The following ASTN2 variants were observed in gnomAD, a reference collection of about 807,000 sequenced individuals.
ASTN2 encodes astrotactin-2.
In ASTN2, 54 loss-of-function variants were observed where a neutral mutation model predicts 139.8. That is an observed-to-expected ratio of 0.39 (90% CI 0.31 to 0.48). The LOEUF (loss-of-function observed/expected upper bound fraction) is 0.48, where lower values mean the gene tolerates loss of function less well. Among genes scored for constraint, ASTN2 ranks in the 20% least tolerant of loss-of-function variants. The pLI, the probability that ASTN2 is intolerant of heterozygous loss-of-function variation, is 0.95. For synonymous variants in ASTN2, 756 were observed against 719.5 expected (o/e 1.05, Z -0.81); for missense variants, 1,565 against 1,725.1 (o/e 0.91, Z 1.64).
At chr9:117,246,328 G>A (rs1289465068) in intron 2 of ASTN2, among the ~76,000 whole-genome samples, 1 of 152,106 alleles carries the variant, frequency 6.6e-6, no homozygotes, top group African/African-American at 2.4e-5. Context: ...TTAAGACATA[G>A]TGTTTTCATT....
At chr9:116,648,467 C>G (rs1418204468) in intron 17 of ASTN2, among the ~76,000 whole-genome samples, 1 of 152,072 alleles carries the variant, frequency 6.6e-6, no homozygotes, top group East Asian at 1.9e-4. Context: ...GCAATAGCCT[C>G]CTCATGGATC....
At chr9:116,808,754 G>A (rs1457496467) in intron 12 of ASTN2, among the ~76,000 whole-genome samples, 1 of 152,154 alleles carries the variant, frequency 6.6e-6, no homozygotes, top group African/African-American at 2.4e-5. Flanking sequence ...ATAGTTGCCT[G>A]TAGAATCTCT....
chr9:116,701,866 C>A (rs1211516813), intron 16 of ASTN2, among the ~76,000 whole-genome samples: 1 of 146,026 alleles, frequency 6.8e-6, no homozygotes, highest in African/African-American at 2.5e-5. Context: ...TGTTCAATTA[C>A]AGCAGTTTTT....
intron 19 of ASTN2, among the ~76,000 whole-genome samples, chr9:116,501,795 A>G (rs907915665): frequency 6.6e-6 from 1 of 151,958 alleles, no homozygotes; most frequent in Non-Finnish European, 1.5e-5. Flanking sequence ...CGTCACATGT[A>G]TCCATATGTA....
intron 19 of ASTN2, among the ~76,000 whole-genome samples, chr9:116,502,841 G>T (rs1849935259): frequency 6.8e-6 from 1 of 146,234 alleles, no homozygotes; most frequent in Non-Finnish European, 1.5e-5. Context: ...GGGAGGGAGA[G>T]AGGGAAGGAA....
intron 11 of ASTN2, among the ~76,000 whole-genome samples, chr9:116,859,959 C>G (rs544156048): frequency 6.6e-6 from 1 of 152,186 alleles, no homozygotes; most frequent in Non-Finnish European, 1.5e-5. Flanking sequence ...AACTAGCTGA[C>G]GCACAGAGCC....
At chr9:117,052,073 G>A (rs139244232) in intron 5 of ASTN2, among the ~76,000 whole-genome samples, 4 of 152,102 alleles carry the variant, frequency 2.6e-5, no homozygotes, top group African/African-American at 9.7e-5. Flanking sequence ...GTCATGCTTT[G>A]GTTGACCTTC....
chr9:116,998,809 A>G (rs1837098192), intron 7 of ASTN2, among the ~76,000 whole-genome samples: 1 of 152,192 alleles, frequency 6.6e-6, no homozygotes, highest in Non-Finnish European at 1.5e-5. Context: ...TTCAATATAT[A>G]TGCTCTACCA....
intron 10 of ASTN2, among the ~76,000 whole-genome samples, chr9:116,917,531 G>C (rs1203174042): frequency 6.6e-6 from 1 of 152,186 alleles, no homozygotes; most frequent in East Asian, 1.9e-4. Flanking sequence ...TTCTGAACTT[G>C]TGTCTTAAAG....
chr9:117,192,848 TG>T (rs1454925278), intron 3 of ASTN2, among the ~76,000 whole-genome samples: 2 of 152,234 alleles, frequency 1.3e-5, no homozygotes, highest in Admixed American at 1.3e-4. Context: ...GTCTCAGAGC[TG>T]GAACAAGGTT....
At chr9:117,232,009 G>T (rs1832907480) in intron 2 of ASTN2, among the ~76,000 whole-genome samples, 1 of 152,152 alleles carries the variant, frequency 6.6e-6, no homozygotes, top group South Asian at 2.1e-4. Flanking sequence ...GGGATTAGAA[G>T]ATCTGTGGAG....
intron 1 of ASTN2, among the ~76,000 whole-genome samples, chr9:117,308,285 C>T (rs901028844): frequency 6.6e-6 from 1 of 152,140 alleles, no homozygotes; most frequent in African/African-American, 2.4e-5. Context: ...CATTAATACT[C>T]CTTCACTTTC....
intron 19 of ASTN2, among the ~76,000 whole-genome samples, chr9:116,505,534 T>C (rs1265719609): frequency 6.6e-6 from 1 of 152,210 alleles, no homozygotes; most frequent in East Asian, 1.9e-4. Flanking sequence ...CATCCTCTTG[T>C]GTAAGACAGG....
rs373631856 is a variant in ASTN2 at position 116,620,404 on chromosome 9, C to T, written c.3112G>A (p.Gly1038Arg). 1 of 1,614,056 alleles carries T rather than the reference C, an allele frequency of 6.2e-7. No individual in the cohort carries two copies. The highest frequency in any genetic ancestry group is 8.5e-7 in the Non-Finnish European group (1 of 1,180,026). ...SALMSSYWCSGKGDVIDDWCR... is the reference protein window; with the variant it reads ...SALMSSYWCSRKGDVIDDWCR... ...CAGTCATCGATCACATCCCCTTTCC[C>T]TGAGCACCAGTAGGAACTCATCAGT... The change falls in exon 18 of 23, where the codon GGG (glycine) becomes AGG (arginine). Residue 1038 changes from glycine (G) to arginine (R), a missense_variant. By Grantham distance (125) the Gly-to-Arg change is moderately radical (BLOSUM62 -2). This residue lies in a region of ASTN2 where 418 missense variants were observed against 465.8 expected (regional missense o/e 0.90). Transcript: ENST00000313400.
At chr9:117,141,192 AT>A (rs1830066520) in intron 4 of ASTN2, 133 bp downstream of exon 4, 2 of 972,588 alleles carry the variant, frequency 2.1e-6, no homozygotes, top group South Asian at 3.2e-5. Flanking sequence ...CTCCAAGGGG[AT>A]TTATCAGGGA....
At chr9:116,639,192 A>C (rs1017666670) in intron 17 of ASTN2, among the ~76,000 whole-genome samples, 1 of 152,210 alleles carries the variant, frequency 6.6e-6, no homozygotes, top group African/African-American at 2.4e-5. Flanking sequence ...CAAATGGGAT[A>C]ATTTGGAGAT....
In ASTN2 at chr9:116,916,434, T is replaced by G. The variant is rs149455369; in HGVS notation, c.1890-52701A>C. Among the ~76,000 whole-genome samples the G allele has an allele frequency of 8.3e-3, 1,269 of 152,244 alleles. 7 individuals are homozygous for G. Among genetic ancestry groups the G allele is most frequent in the Non-Finnish European group, 0.013 (875 of 68,026 alleles). The stretch of plus-strand genomic sequence containing the variant: ...GGTGAGGAAAATAAGCTCAGAAAGG[T>G]GTAAACAGCTTGCCCAAGATCAGTG... On this transcript the variant is annotated intron_variant, in intron 10 of 22. Transcript: ENST00000313400.
At position 116,557,223 on chromosome 9, in the gene ASTN2, C is replaced by CAAAAA. The variant is rs60756690; in HGVS notation, c.3355+61096_3355+61100dup. On this transcript the variant is annotated intron_variant, in intron 19 of 22. Transcript: ENST00000313400. ...TGGGCAACAGAGCGAGACTCTGTCT[C>CAAAAA]AAAAAAAAAAAAAAAAAAAAAAAAA... Among the ~76,000 whole-genome samples the CAAAAA allele has an allele frequency of 4.9e-3, 261 of 53,420 alleles. 2 individuals carry two copies. The highest frequency in any genetic ancestry group is 9.9e-3 in the African/African-American group (133 of 13,394). The allele number at this position is 53,420 out of a possible 152,430, so 35.0% of individuals were successfully genotyped here.
chr9:116,433,329 G>T (rs1847554401), intron 22 of ASTN2, among the ~76,000 whole-genome samples: 1 of 152,182 alleles, frequency 6.6e-6, no homozygotes, highest in Non-Finnish European at 1.5e-5. Flanking sequence ...GCAGATAACA[G>T]AACATAACTT....
Sources: gnomAD v4.1 joint callset for allele counts (sites outside exome capture counted in the v4.1 genomes callset) on GRCh38, gnomAD v4.1.1 for gene constraint, gnomAD v4.1.1 regional missense constraint, MANE v1.5 for transcripts, NCBI Gene and HGNC (gene_info 2026-07-23, HGNC 2026-07-21) for gene names.